The following PARVA variants were observed in gnomAD, a reference collection of about 807,000 sequenced individuals.
PARVA encodes alpha-parvin.
In PARVA, 25 loss-of-function variants were observed where a neutral mutation model predicts 52.6. That is an observed-to-expected ratio of 0.48 (90% CI 0.35 to 0.66). PARVA has a LOEUF of 0.66. Ranked by LOEUF, PARVA falls within the 30% of genes least tolerant of loss-of-function variation. The pLI, the probability that PARVA is intolerant of heterozygous loss-of-function variation, is 0.01. For synonymous variants in PARVA, 185 were observed against 179.1 expected (o/e 1.03, Z -0.26); for missense variants, 373 against 450.9 (o/e 0.83, Z 1.56).
chr11:12,456,635 C>T (rs947422302), intron 1 of PARVA, among the ~76,000 whole-genome samples: 5 of 152,072 alleles, frequency 3.3e-5, no homozygotes, highest in African/African-American at 1.2e-4. Context: ...CAAACCTTCC[C>T]AAAAATGTTC....
intron 6 of PARVA, 90 bp downstream of exon 6, chr11:12,504,519 T>A: frequency 2.7e-6 from 2 of 754,524 alleles, no homozygotes; most frequent in Non-Finnish European, 4.6e-6. Flanking sequence ...ATTAGAAGGA[T>A]GGCTGCATGA....
At chr11:12,379,121 C>G (rs769120213) in intron 1 of PARVA, among the ~76,000 whole-genome samples, 1 of 152,146 alleles carries the variant, frequency 6.6e-6, no homozygotes, top group Non-Finnish European at 1.5e-5. Flanking sequence ...ACTGTCCTGG[C>G]GCTGCTGGGA....
In PARVA at chr11:12,473,939, G is replaced by C; in HGVS notation, c.253G>C (p.Asp85His). 6.3e-7 allele frequency: 1 copy of C among 1,583,068 alleles called. No individual in the cohort carries two copies. The highest frequency in any genetic ancestry group is 1.3e-5 in the African/African-American group (1 of 74,370). ...GGAGAATGAGGTGCGAACAATGGTGGATCCAAACTCACGCAGTGACCCCAA... is the reference window on the plus strand; with the variant it reads ...GGAGAATGAGGTGCGAACAATGGTGCATCCAAACTCACGCAGTGACCCCAA... ...LEENEVRTMV[D>H]PNSRSDPKLQ... Residue 85 changes from aspartate to histidine, a missense_variant, in exon 3 of 13, where the codon GAT becomes CAT. Asp to His is a moderately conservative substitution (Grantham distance 81). Transcript: ENST00000334956.
intron 1 of PARVA, among the ~76,000 whole-genome samples, chr11:12,386,719 C>G (rs780222321): frequency 6.6e-6 from 1 of 152,200 alleles, no homozygotes; most frequent in Non-Finnish European, 1.5e-5. Flanking sequence ...GTTATTTGCC[C>G]ATTTCTAACA....
intron 4 of PARVA, chr11:12,479,801 C>T (rs1323815615): frequency 6.6e-6 from 1 of 152,168 alleles, no homozygotes; most frequent in Non-Finnish European, 1.5e-5. Context: ...ATAAGACTTT[C>T]CATGTCATCT....
chr11:12,519,322 A>T (rs1941609784), intron 12 of PARVA, among the ~76,000 whole-genome samples: 2 of 152,082 alleles, frequency 1.3e-5, no homozygotes, highest in Admixed American at 1.3e-4. Context: ...CTCTGCTCTG[A>T]GCTCCTCTAT....
rs1241964789 is a variant in PARVA at position 12,531,471 on chromosome 11, G to C, written c.*3546G>C. ...ACATGTATACATTGTGGTTCAAATA[G>C]GAATCATCCATAGTCCAGTGCTAGA... On this transcript the variant is annotated 3_prime_UTR_variant, in exon 13 of 13. Coordinates refer to ENST00000334956, the MANE Select transcript of PARVA (RefSeq NM_018222.5). Among the ~76,000 whole-genome samples, 1 of 151,978 alleles carries C rather than the reference G, an allele frequency of 6.6e-6. No homozygotes were observed. Among genetic ancestry groups the C allele is most frequent in the Non-Finnish European group, 1.5e-5 (1 of 68,010 alleles).
At chr11:12,408,987 C>G (rs772515587) in intron 1 of PARVA, among the ~76,000 whole-genome samples, 2 of 152,086 alleles carry the variant, frequency 1.3e-5, no homozygotes, top group Non-Finnish European at 2.9e-5. Flanking sequence ...AAAGGAGGCC[C>G]CCATGGCTGA....
At chr11:12,504,662 T>A (rs1319965986) in intron 6 of PARVA, among the ~76,000 whole-genome samples, 1 of 151,582 alleles carries the variant, frequency 6.6e-6, no homozygotes, top group Non-Finnish European at 1.5e-5. Flanking sequence ...TTGTGTGGGG[T>A]ATGTGCCTAT....
At chr11:12,382,289 G>A (rs10219167) in intron 1 of PARVA, among the ~76,000 whole-genome samples, 100,260 of 151,896 alleles carry the variant, frequency 0.66, 38,381 homozygotes, top group East Asian at 0.9. Flanking sequence ...CTAACTGTTT[G>A]TAATAGATTT....
Position 12,416,103 on chromosome 11 carries a change from G to A in PARVA, c.136+38320G>A, listed in dbSNP as rs2134979482. 2.6e-5 allele frequency among the ~76,000 whole-genome samples: 4 copies of A among 152,268 alleles called. No homozygotes were observed. In the South Asian group the frequency reaches 8.3e-4, roughly 32 times the overall value. On this transcript the variant is annotated intron_variant, in intron 1 of 12. Coordinates refer to ENST00000334956, the MANE Select transcript of PARVA (RefSeq NM_018222.5). ...GGTTGAAAGTGGAATGATTGAGGGG[G>A]AATTTTCCCCCTTGGTGAAACTGAT...
intron 5 of PARVA, among the ~76,000 whole-genome samples, chr11:12,499,397 G>A (rs1387689460): frequency 6.6e-6 from 1 of 150,528 alleles, no homozygotes; most frequent in South Asian, 2.1e-4. Context: ...AGGCTGCTGA[G>A]TTACCAAGGT....
At chr11:12,414,397 G>A (rs1038731107) in intron 1 of PARVA, among the ~76,000 whole-genome samples, 6 of 152,204 alleles carry the variant, frequency 3.9e-5, no homozygotes, top group East Asian at 1.9e-4. Context: ...TGTGTTAGCC[G>A]CCTGAAATGC....
At chr11:12,424,018 C>T (rs1303896792) in intron 1 of PARVA, among the ~76,000 whole-genome samples, 1 of 152,034 alleles carries the variant, frequency 6.6e-6, no homozygotes, top group Non-Finnish European at 1.5e-5. Context: ...TTATGTTAAT[C>T]TATTTTTTGT....
intron 4 of PARVA, among the ~76,000 whole-genome samples, chr11:12,488,333 G>A (rs1941188548): frequency 6.6e-6 from 1 of 152,174 alleles, no homozygotes; most frequent in African/African-American, 2.4e-5. Context: ...TAAAAATCTG[G>A]ATAAGCCTTC....
chr11:12,393,985 T>C, intron 1 of PARVA, among the ~76,000 whole-genome samples: 1 of 152,242 alleles, frequency 6.6e-6, no homozygotes, highest in Non-Finnish European at 1.5e-5. Context: ...TTGAAGTCAT[T>C]GCCTTTTAGA....
chr11:12,398,451 G>A (rs1321779503), intron 1 of PARVA: 1 of 148,524 alleles, frequency 6.7e-6, no homozygotes, highest in East Asian at 2.0e-4. Flanking sequence ...CCTGACTGGG[G>A]TAGGCACAGG....
At chr11:12,482,671 A>G (rs1284141578) in intron 4 of PARVA, among the ~76,000 whole-genome samples, 1 of 152,010 alleles carries the variant, frequency 6.6e-6, no homozygotes, top group Admixed American at 6.6e-5. Flanking sequence ...ACGGTTCCAC[A>G]TGGCTGGTGA....
At chr11:12,405,369 C>G (rs1475675971) in intron 1 of PARVA, among the ~76,000 whole-genome samples, 2 of 152,182 alleles carry the variant, frequency 1.3e-5, no homozygotes. Flanking sequence ...ACAAATTTAA[C>G]ACATGCGTAT....
Sources: gnomAD v4.1 joint callset for allele counts (sites outside exome capture counted in the v4.1 genomes callset) on GRCh38, gnomAD v4.1.1 for gene constraint, MANE v1.5 for transcripts, NCBI Gene and HGNC (gene_info 2026-07-23, HGNC 2026-07-21) for gene names.